ADAM10: variants seen among roughly 807,000 people sequenced by gnomAD.
The protein encoded by ADAM10 is ADAM metallopeptidase domain 10.
ADAM10 carries 17 observed loss-of-function variants against 90.1 expected under a neutral mutation model. The ratio of observed to expected loss-of-function variants is 0.19; its 90% CI spans 0.13 to 0.28. The LOEUF (loss-of-function observed/expected upper bound fraction) is 0.28, where lower values mean the gene tolerates loss of function less well. ADAM10 is among the 10% of genes least tolerant of loss of function. The pLI, the probability that ADAM10 is intolerant of heterozygous loss-of-function variation, is 1.00. For synonymous variants in ADAM10, 310 were observed against 298.6 expected, an observed-to-expected ratio of 1.04 and a Z score of -0.40; for missense variants, 610 against 914.3, an observed-to-expected ratio of 0.67 and a Z score of 4.29.
At chr15:58,619,039 ACCTACAG>A (rs1372918726) in intron 11 of ADAM10, among the ~76,000 whole-genome samples, 1 of 152,152 alleles carries the variant, frequency 6.6e-6, no homozygotes, top group Non-Finnish European at 1.5e-5. Context: ...TAAAAGGGAT[ACCTACAG>A]CCCCGTTTAC....
chr15:58,678,470 T>C (rs887525569), intron 4 of ADAM10, among the ~76,000 whole-genome samples: 4 of 152,186 alleles, frequency 2.6e-5, no homozygotes, highest in Non-Finnish European at 5.9e-5. Flanking sequence ...TCAAGAGCTA[T>C]ATAAATTAGA....
At chr15:58,700,643 T>C (rs1358689470) in intron 2 of ADAM10, among the ~76,000 whole-genome samples, 1 of 151,868 alleles carries the variant, frequency 6.6e-6, no homozygotes, top group Non-Finnish European at 1.5e-5. Flanking sequence ...AGATTTCAAA[T>C]AAACAATATA....
intron 11 of ADAM10, among the ~76,000 whole-genome samples, chr15:58,617,188 C>G (rs1278751337): frequency 6.6e-6 from 1 of 151,848 alleles, no homozygotes; most frequent in African/African-American, 2.4e-5. Context: ...ATAAAATCAT[C>G]AATCCATTAA....
At chr15:58,679,866 C>T (rs1897382572) in intron 3 of ADAM10, among the ~76,000 whole-genome samples, 1 of 152,086 alleles carries the variant, frequency 6.6e-6, no homozygotes, top group Non-Finnish European at 1.5e-5. Flanking sequence ...TGACATGGCA[C>T]CACTGAACTC....
chr15:58,691,378 C>A, intron 2 of ADAM10: 1 of 848,256 alleles, frequency 1.2e-6, no homozygotes, highest in Non-Finnish European at 2.0e-6. Context: ...ACCTCGAAGC[C>A]CTTCTTCCAC....
chr15:58,727,082 T>C (rs1194015842), intron 1 of ADAM10, among the ~76,000 whole-genome samples: 8 of 151,422 alleles, frequency 5.3e-5, no homozygotes, highest in Non-Finnish European at 1.2e-4. Flanking sequence ...TCATAGCTCA[T>C]TGTACCCTCA....
At chr15:58,607,435 C>T (rs980668615) in intron 14 of ADAM10, among the ~76,000 whole-genome samples, 1 of 152,182 alleles carries the variant, frequency 6.6e-6, no homozygotes, top group African/African-American at 2.4e-5. Context: ...TTATTTATTG[C>T]AGGTCTTCTC....
At chr15:58,653,210 C>G (rs1348026943) in intron 5 of ADAM10, among the ~76,000 whole-genome samples, 1 of 152,110 alleles carries the variant, frequency 6.6e-6, no homozygotes, top group Non-Finnish European at 1.5e-5. Context: ...CACTTTATTT[C>G]TCTCACTTCT....
rs1899913684 is a variant in ADAM10 at position 58,749,573 on chromosome 15, G to C, written c.-39C>G. ...TGCCGCCGCCGCCGCCTCCTCACGG[G>C]TTAACAGCAGCACATCGATCCGGAG... On this transcript the variant is annotated 5_prime_UTR_variant, in exon 1 of 16. Transcript: ENST00000260408. The C allele has an allele frequency of 6.5e-7, 1 of 1,549,042 alleles. No homozygotes were observed. The highest frequency in any genetic ancestry group is 1.4e-5 in the African/African-American group (1 of 72,980).
intron 9 of ADAM10, 118 bp downstream of exon 9, chr15:58,633,078 A>T: frequency 1.0e-6 from 1 of 971,266 alleles, no homozygotes; most frequent in Non-Finnish European, 1.6e-6. Context: ...CTGTGCTCTG[A>T]CATAAAAACT....
At chr15:58,732,603 G>C (rs568816700) in intron 1 of ADAM10, 1 of 152,214 alleles carries the variant, frequency 6.6e-6, no homozygotes, top group African/African-American at 2.4e-5. Flanking sequence ...AGCTACTTGG[G>C]TGGCTGAGGC....
At chr15:58,599,908 G>C (rs1017476941) in intron 14 of ADAM10, among the ~76,000 whole-genome samples, 184 bp from the exon 15 acceptor site, 25 of 151,954 alleles carry the variant, frequency 1.6e-4, no homozygotes, top group Non-Finnish European at 3.1e-4. Flanking sequence ...ATAAAAAAAA[G>C]TTTAAAGGAG....
At position 58,693,889 on chromosome 15, in the gene ADAM10, G is replaced by T. The variant is rs541327883; in HGVS notation, c.207-11575C>A. 2.0e-3 allele frequency among the ~76,000 whole-genome samples: 300 copies of T among 151,864 alleles called. 1 individual carries two copies. Among genetic ancestry groups the T allele is most frequent in the African/African-American group, 6.8e-3 (280 of 41,416 alleles). ...ACAAATCAATAATAAGACAACCATT[G>T]AAAGACAAACAACAATGTGAAAAAA... is the stretch of plus-strand genomic sequence containing the variant. On this transcript the variant is annotated intron_variant, in intron 2 of 15. Transcript: ENST00000260408.
At chr15:58,710,106 C>T (rs1177227386) in intron 2 of ADAM10, among the ~76,000 whole-genome samples, 2 of 152,042 alleles carry the variant, frequency 1.3e-5, no homozygotes, top group Admixed American at 1.3e-4. Context: ...GGTGAAACCC[C>T]ATCTCTACTA....
intron 14 of ADAM10, among the ~76,000 whole-genome samples, chr15:58,605,992 TGC>T (rs1297329805): frequency 6.6e-6 from 1 of 152,102 alleles, no homozygotes; most frequent in East Asian, 1.9e-4. Context: ...AGGGAAGACA[TGC>T]ACTCAAGTCT....
intron 9 of ADAM10, among the ~76,000 whole-genome samples, chr15:58,628,102 TAAC>T (rs1468104946): frequency 6.6e-6 from 1 of 152,226 alleles, no homozygotes; most frequent in Non-Finnish European, 1.5e-5. Context: ...GGTCTAGCCA[TAAC>T]AATTTATAGC....
chr15:58,688,786 A>ATATATATATATATATATATATC, intron 2 of ADAM10, among the ~76,000 whole-genome samples: 96 of 122,326 alleles, frequency 7.8e-4, no homozygotes, highest in East Asian at 1.9e-3. Context: ...ATATATATAT[A>ATATATATATATATATATATATC]TCTCTCTCTC....
intron 1 of ADAM10, among the ~76,000 whole-genome samples, chr15:58,744,762 C>A (rs1327402917): frequency 6.6e-6 from 1 of 152,240 alleles, no homozygotes; most frequent in East Asian, 1.9e-4. Context: ...GTAATCCCAG[C>A]ACTTTGGGAG....
chr15:58,597,417 A>C lies in ADAM10; in HGVS notation c.*130T>G, dbSNP rs1326915880. 1.3e-5 allele frequency: 20 copies of C among 1,559,888 alleles called. No individual in the cohort carries two copies. The highest frequency in any genetic ancestry group is 2.4e-5 in the East Asian group (1 of 41,836). ...TAATTCCACCTGGTCTGAGGATATG[A>C]TCTCTTGCCATTTTTTCTTCAACTG... On this transcript the variant is annotated 3_prime_UTR_variant, in exon 16 of 16. Coordinates refer to ENST00000260408, the MANE Select transcript of ADAM10 (RefSeq NM_001110.4).
Sources: gnomAD v4.1 joint callset for allele counts (sites outside exome capture counted in the v4.1 genomes callset) on GRCh38, gnomAD v4.1.1 for gene constraint, MANE v1.5 for transcripts, NCBI Gene and HGNC (gene_info 2026-07-23, HGNC 2026-07-21) for gene names.